Variants in RYR2 observed in about 807,000 individuals in gnomAD.
The protein encoded by RYR2 is ryanodine receptor 2, also known as cardiac muscle ryanodine receptor-calcium release channel.
RYR2 carries 227 observed loss-of-function variants against 601.1 expected under a neutral mutation model. The observed-to-expected ratio is 0.38, with a 90% CI of 0.34 to 0.42. RYR2 has a LOEUF of 0.42. Ranked by LOEUF, RYR2 falls within the 10% of genes least tolerant of loss-of-function variation. RYR2 has a pLI of 1.00. For synonymous variants in RYR2, 2,223 were observed against 2,175.1 expected (o/e 1.02, Z -0.61); for missense variants, 4,646 against 6,156.5 (o/e 0.75, Z 8.21).
At chr1:237,411,370 A>T (rs1292890835) in intron 10 of RYR2, among the ~76,000 whole-genome samples, 1 of 152,150 alleles carries the variant, frequency 6.6e-6, no homozygotes, top group Non-Finnish European at 1.5e-5. Flanking sequence ...TGAAGCTATT[A>T]ATAGGTAGGC....
At chr1:237,192,741 G>A (rs1392516915) in intron 1 of RYR2, among the ~76,000 whole-genome samples, 3 of 152,148 alleles carry the variant, frequency 2.0e-5, no homozygotes, top group Admixed American at 1.3e-4. Flanking sequence ...ACAGAGATAC[G>A]TAACTTAAGT....
chr1:237,680,998 G>A (rs776500654), intron 62 of RYR2, among the ~76,000 whole-genome samples: 2 of 152,180 alleles, frequency 1.3e-5, no homozygotes, highest in East Asian at 1.9e-4. Context: ...AATGACCAAT[G>A]TTGGAAGAAA....
At chr1:237,592,199 G>A (rs538256742) in intron 32 of RYR2, among the ~76,000 whole-genome samples, 23 of 152,276 alleles carry the variant, frequency 1.5e-4, no homozygotes, top group South Asian at 2.1e-4. Context: ...TAATTTGTGA[G>A]AGGTCAAGCT....
intron 1 of RYR2, among the ~76,000 whole-genome samples, chr1:237,246,946 C>A (rs972717533): frequency 8.5e-5 from 13 of 152,286 alleles, no homozygotes; most frequent in Middle Eastern, 3.4e-3. Flanking sequence ...GTGGAAGATG[C>A]ATACAAAGTT....
intron 3 of RYR2, among the ~76,000 whole-genome samples, chr1:237,336,870 A>AAATT (rs1375425671): frequency 3.3e-5 from 5 of 151,166 alleles, no homozygotes; most frequent in South Asian, 2.1e-4. Flanking sequence ...ATAAATAAAT[A>AAATT]AATTAATTAA....
At chr1:237,379,293 G>T (rs1326025965) in intron 8 of RYR2, among the ~76,000 whole-genome samples, 1 of 152,124 alleles carries the variant, frequency 6.6e-6, no homozygotes, top group Admixed American at 6.5e-5. Flanking sequence ...GCATCATTAT[G>T]CACTGAAAAA....
At chr1:237,557,006 A>G (rs1039451302) in intron 27 of RYR2, among the ~76,000 whole-genome samples, 15 of 150,806 alleles carry the variant, frequency 9.9e-5, no homozygotes, top group African/African-American at 3.4e-4. Flanking sequence ...AGTCTCTCTG[A>G]GATTGCTATT....
At chr1:237,245,911 A>G (rs1455615461) in intron 1 of RYR2, among the ~76,000 whole-genome samples, 1 of 151,656 alleles carries the variant, frequency 6.6e-6, no homozygotes, top group Non-Finnish European at 1.5e-5. Flanking sequence ...CCTCCCAAGT[A>G]GCTGGCATTA....
At chr1:237,777,907 T>A (rs1183224113) in intron 87 of RYR2, among the ~76,000 whole-genome samples, 2 of 152,164 alleles carry the variant, frequency 1.3e-5, no homozygotes, top group Admixed American at 6.6e-5. Flanking sequence ...AAGTGCAAAG[T>A]CCCTAGTTAG....
intron 22 of RYR2, among the ~76,000 whole-genome samples, chr1:237,504,336 A>G (rs558543717): frequency 7.2e-5 from 11 of 151,978 alleles, no homozygotes; most frequent in Non-Finnish European, 1.5e-5. Context: ...TAAGAGCAAT[A>G]TTTTGCGGGC....
intron 1 of RYR2, among the ~76,000 whole-genome samples, chr1:237,231,768 C>T (rs1319898830): frequency 6.6e-6 from 1 of 152,126 alleles, no homozygotes; most frequent in Non-Finnish European, 1.5e-5. Flanking sequence ...ACACTGTGGT[C>T]ATGGCCTAAG....
Position 237,614,643 on chromosome 1 carries a change from T to C in RYR2, c.5515T>C (p.Leu1839=), listed in dbSNP as rs375521843. 13 of 1,614,002 alleles carry C rather than the reference T, an allele frequency of 8.1e-6. No homozygotes were observed. The African/African-American group carries it at 1.5e-4, about 18-fold the overall frequency. ...CATGGGCATCTTTCACAACGAGGACTTGAAGCACATCTTGCAGTTGATTGA... is the reference window on the plus strand; with the variant it reads ...CATGGGCATCTTTCACAACGAGGACCTGAAGCACATCTTGCAGTTGATTGA... The part of the protein sequence containing the change: ...LIMGIFHNED[L]KHILQLIEPS... Residue 1839 remains leucine, a synonymous_variant, in exon 37 of 105, where the codon TTG becomes CTG. Transcript: ENST00000366574. The surrounding 1 kb of genome is among the most constrained non-coding windows in gnomAD (Gnocchi z 4.3).
intron 100 of RYR2, among the ~76,000 whole-genome samples, chr1:237,813,942 T>C (rs1387653244): frequency 6.6e-6 from 1 of 152,168 alleles, no homozygotes; most frequent in Non-Finnish European, 1.5e-5. Context: ...CACTTTTTCA[T>C]CCCTAGCTCA....
At chr1:237,043,123 G>A (rs961830920) in intron 1 of RYR2, among the ~76,000 whole-genome samples, 5 of 152,190 alleles carry the variant, frequency 3.3e-5, no homozygotes, top group African/African-American at 1.2e-4. Flanking sequence ...GACCGGGGGC[G>A]GGGGTGATGG....
At position 237,186,502 on chromosome 1, in the gene RYR2, C is replaced by CT. The variant is rs1310086225; in HGVS notation, c.49-83991dup. 5.3e-5 allele frequency among the ~76,000 whole-genome samples: 8 copies of CT among 152,276 alleles called. No homozygotes were observed. The East Asian group carries it at 1.5e-3, about 29-fold the overall frequency. ...GTATTGAAATGGCTTGAATTTTTAACTTTTATGGTATCAATGATCCCTAAT... is the reference window on the plus strand; with the variant it reads ...GTATTGAAATGGCTTGAATTTTTAACTTTTTATGGTATCAATGATCCCTAAT... On this transcript the variant is annotated intron_variant, in intron 1 of 104. Transcript: ENST00000366574.
intron 13 of RYR2, among the ~76,000 whole-genome samples, chr1:237,442,407 T>C (rs1485259922): frequency 6.6e-6 from 1 of 152,134 alleles, no homozygotes; most frequent in Non-Finnish European, 1.5e-5. Context: ...GAGTCAACAA[T>C]TATTATAGTT....
At chr1:237,100,202 GC>G in intron 1 of RYR2, among the ~76,000 whole-genome samples, 1 of 152,258 alleles carries the variant, frequency 6.6e-6, no homozygotes, top group Admixed American at 6.5e-5. Flanking sequence ...AAATGAAAAA[GC>G]AAAGAAATAG....
intron 1 of RYR2, among the ~76,000 whole-genome samples, chr1:237,240,579 CTT>C (rs1686038543): frequency 7.4e-6 from 1 of 136,038 alleles, no homozygotes; most frequent in Non-Finnish European, 1.5e-5. Flanking sequence ...ATAAATTCCT[CTT>C]TGTCTTTGAA....
intron 64 of RYR2, among the ~76,000 whole-genome samples, chr1:237,699,254 C>T (rs1411487067): frequency 6.6e-6 from 1 of 151,944 alleles, no homozygotes; most frequent in Non-Finnish European, 1.5e-5. Context: ...GCAGCTAGGA[C>T]CATAAAGGAG....
Sources: allele counts gnomAD v4.1 joint callset (sites outside exome capture counted in the v4.1 genomes callset), GRCh38; gene constraint gnomAD v4.1.1; non-coding constraint Gnocchi (gnomAD v3.1); transcripts MANE v1.5; gene names NCBI Gene and HGNC (gene_info 2026-07-23, HGNC 2026-07-21).